The following STAG1 variants were observed in gnomAD, a reference collection of about 807,000 sequenced individuals.
The protein encoded by STAG1 is STAG1 cohesin complex component.
A neutral mutation model predicts 170.9 loss-of-function variants in STAG1; 26 were observed. The ratio of observed to expected loss-of-function variants is 0.15; its 90% CI spans 0.11 to 0.21. STAG1 has a LOEUF of 0.21. STAG1 is among the 10% of genes least tolerant of loss of function. The probability of loss-of-function intolerance (pLI) is 1.00; values close to 1 mark genes in which losing one functional copy is unlikely to be tolerated. For synonymous variants in STAG1, 514 were observed against 497.7 expected (o/e 1.03, Z -0.44); for missense variants, 964 against 1,509.5 (o/e 0.64, Z 5.99).
intron 1 of STAG1, among the ~76,000 whole-genome samples, chr3:136,665,390 T>C (rs995056100): frequency 2.6e-5 from 4 of 152,168 alleles, no homozygotes; most frequent in African/African-American, 9.7e-5. Context: ...TACTCTTCTA[T>C]ATACTGTACT....
At chr3:136,524,501 A>G (rs1412049391) in intron 6 of STAG1, among the ~76,000 whole-genome samples, 1 of 152,180 alleles carries the variant, frequency 6.6e-6, no homozygotes, top group Non-Finnish European at 1.5e-5. Context: ...TTGGGCTGAG[A>G]CAATGGGGTT....
At chr3:136,732,050 C>G (rs1295872267) in intron 1 of STAG1, among the ~76,000 whole-genome samples, 1 of 151,886 alleles carries the variant, frequency 6.6e-6, no homozygotes, top group Non-Finnish European at 1.5e-5. Context: ...TCTTGGAAAC[C>G]AGCTATCTGG....
In STAG1 at chr3:136,676,812, CTTTT is replaced by C. The variant is rs369668158; in HGVS notation, c.-83-45835_-83-45832del. 3.2e-4 allele frequency among the ~76,000 whole-genome samples: 49 copies of C among 151,920 alleles called. No individual in the cohort carries two copies. In the South Asian group the frequency reaches 3.3e-3, roughly 10 times the overall value. ...CTTTTTTGTGATTTTATTTCTTAGACTTTTTTTATTTTTTAAACTTTTTTTAAGT... is the reference window on the plus strand; with the variant it reads ...CTTTTTTGTGATTTTATTTCTTAGACTTTATTTTTTAAACTTTTTTTAAGT... On this transcript the variant is annotated intron_variant, in intron 1 of 33. Transcript: ENST00000383202.
chr3:136,493,118 A>G (rs12637102), intron 9 of STAG1, among the ~76,000 whole-genome samples: 114,015 of 152,066 alleles, frequency 0.75, 42,942 homozygotes, highest in East Asian at 0.87. Context: ...GAGGGTGGTA[A>G]ATGGCTTGAG....
intron 1 of STAG1, among the ~76,000 whole-genome samples, chr3:136,693,691 T>A (rs1273568127): frequency 6.6e-6 from 1 of 151,846 alleles, no homozygotes; most frequent in Non-Finnish European, 1.5e-5. Context: ...CATCTCAGCC[T>A]CTCAGCAGCT....
chr3:136,503,979 C>T (rs750562505), intron 7 of STAG1, among the ~76,000 whole-genome samples: 4 of 152,120 alleles, frequency 2.6e-5, no homozygotes, highest in Non-Finnish European at 5.9e-5. Context: ...TCAGGTGATC[C>T]GCCCACCTTG....
At chr3:136,635,637 A>G (rs1369519438) in intron 1 of STAG1, among the ~76,000 whole-genome samples, 5 of 152,214 alleles carry the variant, frequency 3.3e-5, no homozygotes, top group Admixed American at 2.0e-4. Context: ...GAAAGAAAAT[A>G]AACAAAAGGT....
intron 6 of STAG1, among the ~76,000 whole-genome samples, chr3:136,537,657 C>T (rs557991123): frequency 5.3e-5 from 8 of 151,668 alleles, no homozygotes; most frequent in African/African-American, 1.5e-4. Context: ...TGTACCACCA[C>T]GCTAATTTTT....
At chr3:136,688,511 C>T (rs1004720522) in intron 1 of STAG1, among the ~76,000 whole-genome samples, 30 of 152,200 alleles carry the variant, frequency 2.0e-4, no homozygotes, top group African/African-American at 6.5e-4. Context: ...CCTGCCTCAG[C>T]CTCCCATCTA....
At chr3:136,399,661 T>C (rs945660001) in intron 21 of STAG1, among the ~76,000 whole-genome samples, 16 of 152,178 alleles carry the variant, frequency 1.1e-4, no homozygotes, top group South Asian at 8.3e-4. Context: ...GTGGATCATA[T>C]TGCGATTAAC....
At chr3:136,393,712 C>CA (rs1321127390) in intron 22 of STAG1, among the ~76,000 whole-genome samples, 3 of 151,108 alleles carry the variant, frequency 2.0e-5, no homozygotes, top group African/African-American at 7.3e-5. Context: ...TCTCCTGCCT[C>CA]AGACTCCCGA....
rs761759063 is a variant in STAG1, at chr3:136,500,304, G to GA, written c.829-9dup. 4.5e-6 allele frequency: 7 copies of GA among 1,549,136 alleles called. No homozygotes were observed. In the East Asian group the frequency reaches 6.8e-5, roughly 15 times the overall value. On this transcript the variant is annotated splice_polypyrimidine_tract_variant and intron_variant, in intron 8 of 33. Coordinates refer to ENST00000383202, the MANE Select transcript of STAG1 (RefSeq NM_005862.3). The stretch of plus-strand genomic sequence containing the variant: ...ATCCTGATTTTCTTGCAGCTGAAAT[G>GA]AAAAAATATATATAAGTTGAAATCC...
chr3:136,490,304 A>G (rs769119260), intron 9 of STAG1, among the ~76,000 whole-genome samples: 10 of 152,192 alleles, frequency 6.6e-5, no homozygotes, highest in Non-Finnish European at 1.0e-4. Context: ...CTGGGATTAC[A>G]GGTGTGAGCT....
intron 1 of STAG1, among the ~76,000 whole-genome samples, chr3:136,636,374 A>G (rs1270858432): frequency 6.6e-6 from 1 of 152,174 alleles, no homozygotes; most frequent in South Asian, 2.1e-4. Flanking sequence ...TATGACAATG[A>G]TGTTATTTGT....
At chr3:136,693,138 T>C (rs1228939408) in intron 1 of STAG1, among the ~76,000 whole-genome samples, 4 of 152,190 alleles carry the variant, frequency 2.6e-5, no homozygotes, top group Admixed American at 2.6e-4. Flanking sequence ...TCCCAATAAA[T>C]GAGCTGAAGC....
intron 1 of STAG1, among the ~76,000 whole-genome samples, chr3:136,733,867 G>A (rs1366359221): frequency 6.6e-6 from 1 of 152,134 alleles, no homozygotes; most frequent in Non-Finnish European, 1.5e-5. Flanking sequence ...CAGCGCTTCA[G>A]GAGGCCAAGG....
chr3:136,485,132 A>G (rs1400475145), intron 9 of STAG1, among the ~76,000 whole-genome samples: 3 of 152,162 alleles, frequency 2.0e-5, no homozygotes, highest in Admixed American at 6.5e-5. Flanking sequence ...TGTTTCATCA[A>G]TCTAGACATT....
intron 1 of STAG1, among the ~76,000 whole-genome samples, chr3:136,729,234 G>A (rs1251375430): frequency 6.6e-6 from 1 of 151,996 alleles, no homozygotes; most frequent in African/African-American, 2.4e-5. Context: ...TCAAACTCCT[G>A]AGGTCAAGTG....
chr3:136,551,150 A>G (rs1936362128), intron 5 of STAG1, among the ~76,000 whole-genome samples: 1 of 150,066 alleles, frequency 6.7e-6, no homozygotes, highest in South Asian at 2.1e-4. Flanking sequence ...GTATCTACAT[A>G]AATTTTTTTA....
Sources: gnomAD v4.1 joint callset for allele counts (sites outside exome capture counted in the v4.1 genomes callset) on GRCh38, gnomAD v4.1.1 for gene constraint, MANE v1.5 for transcripts, NCBI Gene and HGNC (gene_info 2026-07-23, HGNC 2026-07-21) for gene names.